The following ULK4 variants were observed in gnomAD, a reference collection of about 807,000 sequenced individuals.
ULK4 encodes inactive serine/threonine-protein kinase ULK4.
Under a neutral mutation model 160.6 loss-of-function variants are expected in ULK4, and 133 were observed. The ratio of observed to expected loss-of-function variants is 0.83; its 90% CI spans 0.72 to 0.96. The LOEUF (loss-of-function observed/expected upper bound fraction) is 0.96, where lower values mean the gene tolerates loss of function less well. ULK4 is among the 40% of genes least tolerant of loss of function. The pLI is 0.00. For synonymous variants in ULK4, 534 were observed against 539.8 expected, an observed-to-expected ratio of 0.99 and a Z score of 0.15; for missense variants, 1,580 against 1,499.5, an observed-to-expected ratio of 1.05 and a Z score of -0.89.
In ULK4 at chr3:41,678,414, C is replaced by T. The variant is rs180884914; in HGVS notation, c.2978+3094G>A. 1.1e-4 allele frequency among the ~76,000 whole-genome samples: 17 copies of T among 152,246 alleles called. No homozygotes were observed. In the East Asian group the frequency reaches 3.3e-3, roughly 29 times the overall value. On this transcript the variant is annotated intron_variant, in intron 29 of 36. Transcript: ENST00000301831. ...CCAGAAGTATTAGAAAAGACATCCA[C>T]CCTTTTTCTAGGATTACCCTCTCCA...
chr3:41,247,111 C>T, intron 36 of ULK4, 119 bp from the exon 37 acceptor site: 1 of 974,586 alleles, frequency 1.0e-6, no homozygotes, highest in Non-Finnish European at 1.6e-6. Context: ...CTGCAGCATC[C>T]TCTTGGGAAG....
chr3:41,617,512 G>C (rs924837915), intron 30 of ULK4, among the ~76,000 whole-genome samples: 2 of 152,126 alleles, frequency 1.3e-5, no homozygotes, highest in African/African-American at 4.8e-5. Flanking sequence ...AACTGCAGTA[G>C]ACCTGCAGAA....
At position 41,896,858 on chromosome 3, in the gene ULK4, G is replaced by A. The variant is rs372421921; in HGVS notation, c.1494C>T (p.His498=). ...GGAGGAGCCTGGTGGCCACCTCCTG[G>A]TGACCAGCCACCACGCACAAATAGC... ...LLCYLCVVAG[H]QEVATRLLHS... The change falls in exon 15 of 37, where the codon CAC becomes CAT. Residue 498 remains histidine, a synonymous_variant. Coordinates refer to ENST00000301831, the MANE Select transcript of ULK4 (RefSeq NM_017886.4). 1 of 1,613,162 alleles carries A rather than the reference G, an allele frequency of 6.2e-7. No individual in the cohort carries two copies. The highest frequency in any genetic ancestry group is 1.3e-5 in the African/African-American group (1 of 74,904).
chr3:41,407,981 C>A (rs1380552317), intron 34 of ULK4, among the ~76,000 whole-genome samples: 1 of 152,104 alleles, frequency 6.6e-6, no homozygotes, highest in Non-Finnish European at 1.5e-5. Flanking sequence ...TAAACAAGTT[C>A]ATCAAGGTTG....
Position 41,566,087 on chromosome 3 carries a change from A to G in ULK4, c.3164T>C (p.Ile1055Thr), listed in dbSNP as rs767100980. 6.2e-6 allele frequency: 10 copies of G among 1,613,842 alleles called. No homozygotes were observed. Among genetic ancestry groups the G allele is most frequent in the East Asian group, 2.2e-5 (1 of 44,880 alleles). Residue 1055 changes from isoleucine to threonine, a missense_variant, in exon 32 of 37, where the codon ATT (isoleucine) becomes ACT (threonine). By Grantham distance (89) the Ile-to-Thr change is moderately conservative. Coordinates refer to ENST00000301831, the MANE Select transcript of ULK4 (RefSeq NM_017886.4). ...SILGNTMQSV[I>T]ALLSNLVACK... The stretch of plus-strand genomic sequence containing the variant: ...GGCAACTAGATTGCTGAGTAATGCA[A>G]TCACACTTTGCATGGTATTACCCAG...
chr3:41,478,444 C>T (rs117210432), intron 32 of ULK4, among the ~76,000 whole-genome samples: 623 of 152,266 alleles, frequency 4.1e-3, no homozygotes, highest in East Asian at 0.015. Context: ...CAGCCCAGCT[C>T]CCTTCTGAGC....
chr3:41,555,567 T>C (rs2700451), intron 32 of ULK4, among the ~76,000 whole-genome samples: 77,695 of 152,046 alleles, frequency 0.51, 19,970 homozygotes, highest in Middle Eastern at 0.58. Flanking sequence ...TTATACACTG[T>C]TGGTGGGAGT....
In ULK4 at chr3:41,731,607, T is replaced by C. The variant is rs146069869; in HGVS notation, c.2322-13746A>G. On this transcript the variant is annotated intron_variant, in intron 22 of 36. Coordinates refer to ENST00000301831, the MANE Select transcript of ULK4 (RefSeq NM_017886.4). ...TCTTATCAAATTACCAATGACATTC[T>C]TCACAGAAACAGAAAAAAAATTCTA... is the stretch of plus-strand genomic sequence containing the variant. Among the ~76,000 whole-genome samples the C allele has an allele frequency of 4.0e-5, 6 of 151,504 alleles. No individual in the cohort carries two copies. The East Asian group carries it at 1.2e-3, about 29-fold the overall frequency.
intron 30 of ULK4, among the ~76,000 whole-genome samples, chr3:41,623,490 T>C (rs1268605562): frequency 6.6e-6 from 1 of 152,158 alleles, no homozygotes; most frequent in East Asian, 1.9e-4. Flanking sequence ...GGTGAATGAA[T>C]AGAAAAAAAT....
intron 35 of ULK4, among the ~76,000 whole-genome samples, chr3:41,306,689 T>C (rs1304100243): frequency 6.6e-6 from 1 of 151,606 alleles, no homozygotes; most frequent in East Asian, 2.0e-4. Flanking sequence ...ACAATGGCGG[T>C]TTTGTGGAAT....
At chr3:41,458,440 A>T (rs970321566) in intron 33 of ULK4, among the ~76,000 whole-genome samples, 2 of 152,184 alleles carry the variant, frequency 1.3e-5, no homozygotes, top group African/African-American at 4.8e-5. Context: ...TGCTGGAGAT[A>T]TAAGACAGGA....
chr3:41,910,656 C>T (rs1466703749), intron 11 of ULK4, among the ~76,000 whole-genome samples: 2 of 152,100 alleles, frequency 1.3e-5, no homozygotes, highest in African/African-American at 2.4e-5. Context: ...AACAGAACCT[C>T]TTCTTTTCTG....
At position 41,954,636 on chromosome 3, in the gene ULK4, C is replaced by G. The variant is rs1700422867; in HGVS notation, c.124G>C (p.Glu42Gln). Reference protein sequence around the residue: ...ILCTDKCKRPEITNWVRLTRE... With the variant: ...ILCTDKCKRPQITNWVRLTRE... ...CACTGACTTACCCAGTTGGTTATTT[C>G]AGGCCTTTTGCACTTATCAGTACAA... Residue 42 changes from glutamate to glutamine, a missense_variant, in exon 2 of 37, where the codon GAA (glutamate) becomes CAA (glutamine). By Grantham distance (29) the Glu-to-Gln change is conservative. Coordinates refer to ENST00000301831, the MANE Select transcript of ULK4 (RefSeq NM_017886.4). 1 of 1,612,898 alleles carries G rather than the reference C, an allele frequency of 6.2e-7. No homozygotes were observed. The highest frequency in any genetic ancestry group is 8.5e-7 in the Non-Finnish European group (1 of 1,179,544).
rs142630688 is a variant in ULK4, at chr3:41,682,282, A to T, written c.2782-478T>A. 7.2e-5 allele frequency among the ~76,000 whole-genome samples: 11 copies of T among 152,354 alleles called. No homozygotes were observed. In the East Asian group the frequency reaches 2.1e-3, roughly 29 times the overall value. ...TTTAGAAATAGACCACAAAGATGTA[A>T]ATCCACTATACAAACCACCCCTGTG... On this transcript the variant is annotated intron_variant, in intron 27 of 36. Coordinates refer to ENST00000301831, the MANE Select transcript of ULK4 (RefSeq NM_017886.4).
chr3:41,585,662 A>G (rs1436973820), intron 31 of ULK4, among the ~76,000 whole-genome samples: 7 of 152,196 alleles, frequency 4.6e-5, no homozygotes, highest in Admixed American at 4.6e-4. Flanking sequence ...TAAAAAGCAG[A>G]TAAATGAGAC....
intron 31 of ULK4, among the ~76,000 whole-genome samples, chr3:41,577,882 T>C (rs1281910745): frequency 6.6e-6 from 1 of 152,196 alleles, no homozygotes; most frequent in Non-Finnish European, 1.5e-5. Flanking sequence ...GATTCAAGGA[T>C]GTAACTTTAA....
intron 34 of ULK4, among the ~76,000 whole-genome samples, chr3:41,452,048 C>T (rs1232319536): frequency 6.6e-6 from 1 of 152,160 alleles, no homozygotes; most frequent in Non-Finnish European, 1.5e-5. Context: ...ACCTTCCTCC[C>T]TGATTACTGG....
rs750838647 is a variant in ULK4 at position 41,663,731 on chromosome 3, A to G, written c.2979-32T>C. 3 of 1,573,318 alleles carry G rather than the reference A, an allele frequency of 1.9e-6. No individual in the cohort carries two copies. In the East Asian group the frequency reaches 6.7e-5, roughly 35 times the overall value. The stretch of plus-strand genomic sequence containing the variant: ...TGGTAAAGACATTTAAAAAATACTC[A>G]GTAGGAAAAATTATGTCCAACCTTG... On this transcript the variant is annotated intron_variant, in intron 29 of 36. Transcript: ENST00000301831.
chr3:41,930,576 T>C (rs1051406721), intron 5 of ULK4, among the ~76,000 whole-genome samples: 2 of 152,138 alleles, frequency 1.3e-5, no homozygotes, highest in Admixed American at 6.5e-5. Context: ...GAGAAAATTT[T>C]TGCAATCTAC....
Sources: allele counts gnomAD v4.1 joint callset (sites outside exome capture counted in the v4.1 genomes callset), GRCh38; gene constraint gnomAD v4.1.1; transcripts MANE v1.5; gene names NCBI Gene and HGNC (gene_info 2026-07-23, HGNC 2026-07-21).